The following SGCD variants were observed in gnomAD, a reference collection of about 807,000 sequenced individuals.
The protein encoded by SGCD is delta-sarcoglycan.
A neutral mutation model predicts 36.6 loss-of-function variants in SGCD; 18 were observed. The observed-to-expected ratio is 0.49, with a 90% CI of 0.34 to 0.73. The LOEUF (loss-of-function observed/expected upper bound fraction) is 0.73, where lower values mean the gene tolerates loss of function less well. SGCD is among the 30% of genes least tolerant of loss of function. SGCD has a pLI of 0.01. For synonymous variants in SGCD, 133 were observed against 130.6 expected (o/e 1.02, Z -0.12); for missense variants, 387 against 346.7 (o/e 1.12, Z -0.92).
intron 7 of SGCD, among the ~76,000 whole-genome samples, chr5:156,654,174 A>G (rs1763583949): frequency 6.6e-6 from 1 of 152,170 alleles, no homozygotes; most frequent in African/African-American, 2.4e-5. Context: ...CAATAACCCA[A>G]TGAGGTACAG....
At chr5:155,991,969 T>C (rs1055888689) in intron 1 of SGCD, among the ~76,000 whole-genome samples, 1 of 152,246 alleles carries the variant, frequency 6.6e-6, no homozygotes, top group African/African-American at 2.4e-5. Flanking sequence ...CCTTTCTTCA[T>C]TTCTGTCTAT....
the SGCD span, among the ~76,000 whole-genome samples, chr5:155,863,599 A>G: frequency 6.6e-6 from 1 of 151,574 alleles, no homozygotes; most frequent in Non-Finnish European, 1.5e-5. Context: ...CTTCATTCCC[A>G]GAACAAAGAA....
chr5:156,104,742 A>G (rs1442160473), intron 1 of SGCD, among the ~76,000 whole-genome samples: 1 of 152,218 alleles, frequency 6.6e-6, no homozygotes. Flanking sequence ...AATTGATAAA[A>G]TCTTAGTTCT....
chr5:156,463,498 T>G (rs777780564), intron 3 of SGCD, among the ~76,000 whole-genome samples: 9 of 152,134 alleles, frequency 5.9e-5, no homozygotes, highest in Non-Finnish European at 1.0e-4. Context: ...GAACTATACT[T>G]TTTTTGGATA....
chr5:156,183,800 G>A (rs1763666597), intron 3 of SGCD, among the ~76,000 whole-genome samples: 1 of 152,158 alleles, frequency 6.6e-6, no homozygotes, highest in African/African-American at 2.4e-5. Flanking sequence ...AAGTAAGTGG[G>A]GGTGGCAGAG....
chr5:156,414,236 G>C (rs997437393), intron 3 of SGCD, among the ~76,000 whole-genome samples: 1 of 152,138 alleles, frequency 6.6e-6, no homozygotes, highest in Non-Finnish European at 1.5e-5. Flanking sequence ...ATTTTCTAAA[G>C]CACGGTTCTT....
At chr5:156,440,099 G>A (rs72798999) in intron 3 of SGCD, among the ~76,000 whole-genome samples, 5,684 of 151,998 alleles carry the variant, frequency 0.037, 157 homozygotes, top group South Asian at 0.091. Flanking sequence ...TCATCATCCC[G>A]AAAGAAAACC....
At chr5:155,862,065 A>T in the SGCD span, among the ~76,000 whole-genome samples, 1 of 152,192 alleles carries the variant, frequency 6.6e-6, no homozygotes, top group African/African-American at 2.4e-5. Context: ...CCAGAGAGAT[A>T]TATCTCAGGA....
At chr5:156,610,384 G>T (rs952839717) in intron 6 of SGCD, among the ~76,000 whole-genome samples, 1 of 152,178 alleles carries the variant, frequency 6.6e-6, no homozygotes, top group Non-Finnish European at 1.5e-5. Context: ...AAGTGTTGCT[G>T]CCTGATCATT....
At chr5:155,988,186 T>A (rs80036019) in intron 1 of SGCD, among the ~76,000 whole-genome samples, 1 of 151,498 alleles carries the variant, frequency 6.6e-6, no homozygotes, top group African/African-American at 2.4e-5. Flanking sequence ...CTGCAGTTCC[T>A]TTTTTTTTAT....
the SGCD span, among the ~76,000 whole-genome samples, chr5:155,852,625 A>AT: frequency 6.6e-6 from 1 of 152,206 alleles, no homozygotes; most frequent in Non-Finnish European, 1.5e-5. Flanking sequence ...AAAAGTTAAC[A>AT]TGTAGCTCAC....
chr5:156,710,321 C>A (rs1754932374), intron 7 of SGCD, among the ~76,000 whole-genome samples: 1 of 152,060 alleles, frequency 6.6e-6, no homozygotes. Context: ...ATTTTTATAC[C>A]CTGTGGCAGT....
chr5:156,275,722 A>T (rs921058186), intron 3 of SGCD, among the ~76,000 whole-genome samples: 4 of 152,172 alleles, frequency 2.6e-5, no homozygotes, highest in African/African-American at 4.8e-5. Flanking sequence ...CAGGAATGAA[A>T]GTAAGTTTGG....
chr5:156,738,089 G>A (rs1372155036), intron 7 of SGCD, among the ~76,000 whole-genome samples: 5 of 152,188 alleles, frequency 3.3e-5, no homozygotes, highest in Non-Finnish European at 7.4e-5. Flanking sequence ...ATGGAGTCAA[G>A]TTAGTTGCAT....
chr5:156,216,844 C>T (rs1764588075), intron 3 of SGCD, among the ~76,000 whole-genome samples: 3 of 152,088 alleles, frequency 2.0e-5, no homozygotes, highest in Admixed American at 6.6e-5. Context: ...TTAGAGAGGC[C>T]GAGGTGGGCA....
intron 6 of SGCD, among the ~76,000 whole-genome samples, chr5:156,637,888 C>A (rs2113553790): frequency 6.6e-6 from 1 of 152,202 alleles, no homozygotes; most frequent in African/African-American, 2.4e-5. Context: ...TTGAAACCTT[C>A]AATTCTTTGT....
chr5:156,507,868 G>C (rs1756769510), intron 3 of SGCD, among the ~76,000 whole-genome samples: 1 of 152,084 alleles, frequency 6.6e-6, no homozygotes, highest in Non-Finnish European at 1.5e-5. Flanking sequence ...AAATTATAGA[G>C]AGAAAAAAAC....
chr5:156,630,654 A>G (rs1337120219), intron 6 of SGCD, among the ~76,000 whole-genome samples: 3 of 152,160 alleles, frequency 2.0e-5, no homozygotes, highest in Non-Finnish European at 4.4e-5. Flanking sequence ...CTATTAATAG[A>G]TATTTATGAG....
intron 1 of SGCD, among the ~76,000 whole-genome samples, chr5:155,874,630 A>G (rs75894122): frequency 0.029 from 4,448 of 152,240 alleles, 229 homozygotes; most frequent in African/African-American, 0.1. Flanking sequence ...ACCTAGGAAC[A>G]TGAACGTGAA....
Sources: allele counts gnomAD v4.1 joint callset (sites outside exome capture counted in the v4.1 genomes callset), GRCh38; gene constraint gnomAD v4.1.1; transcripts MANE v1.5; gene names NCBI Gene and HGNC (gene_info 2026-07-23, HGNC 2026-07-21).